SNX6: variants seen among roughly 807,000 people sequenced by gnomAD.
SNX6 encodes sorting nexin-6.
In SNX6, 34 loss-of-function variants were observed where a neutral mutation model predicts 63.0. That is an observed-to-expected ratio of 0.54 (90% CI 0.41 to 0.72). The LOEUF (loss-of-function observed/expected upper bound fraction) is 0.72. Ranked by LOEUF, SNX6 falls within the 30% of genes least tolerant of loss-of-function variation. The probability of loss-of-function intolerance (pLI) is 0.00; values close to 1 mark genes in which losing one functional copy is unlikely to be tolerated. For synonymous variants in SNX6, 170 were observed against 164.2 expected (o/e 1.04, Z -0.27); for missense variants, 398 against 471.4 (o/e 0.84, Z 1.44).
At chr14:34,581,410 C>T in intron 10 of SNX6, 151 bp downstream of exon 10, 1 of 446,960 alleles carries the variant, frequency 2.2e-6, no homozygotes, top group Non-Finnish European at 4.2e-6. Flanking sequence ...ACTTGGCCTC[C>T]CAAAGTGTTG....
chr14:34,629,819 TGGGGACCCATCCCCGTACCACACCC>T lies in SNX6; in HGVS notation c.54+63_54+87del, dbSNP rs1883971395. 11 of 1,530,122 alleles carry T rather than the reference TGGGGACCCATCCCCGTACCACACCC, an allele frequency of 7.2e-6. No individual in the cohort carries two copies. The Admixed American group carries it at 8.3e-5, about 12-fold the overall frequency. The allele number at this position is 1,530,122 out of a possible 1,614,324, so 94.8% of individuals were successfully genotyped here. On this transcript the variant is annotated intron_variant, in intron 2 of 13. Transcript: ENST00000362031. The stretch of plus-strand genomic sequence containing the variant: ...CTACGGGGAGGGAGTGCCGCGCGGC[TGGGGACCCATCCCCGTACCACACCC>T]GGGGACCCAGGATGGGGAAGGAGGG...
rs116151388 is a variant in SNX6, at chr14:34,618,098, A to G, written c.55-8356T>C. 4.4e-3 allele frequency among the ~76,000 whole-genome samples: 667 copies of G among 152,206 alleles called. 5 individuals are homozygous for G. The highest frequency in any genetic ancestry group is 0.016 in the African/African-American group (646 of 41,530). On this transcript the variant is annotated intron_variant, in intron 2 of 13. Coordinates refer to ENST00000362031, the MANE Select transcript of SNX6 (RefSeq NM_152233.4). Reference sequence around the variant, plus strand: ...GGGGCAAAGAGGAAGGAAGAAAGAAAATAACTTTGACTCTTACAATAGTCT... The same window carrying G: ...GGGGCAAAGAGGAAGGAAGAAAGAAGATAACTTTGACTCTTACAATAGTCT...
chr14:34,627,501 A>G (rs568215190), intron 2 of SNX6, among the ~76,000 whole-genome samples: 2 of 151,004 alleles, frequency 1.3e-5, no homozygotes, highest in African/African-American at 4.9e-5. Context: ...TTTGAGATGG[A>G]GTTTTGCTCT....
At chr14:34,579,094 C>T (rs1881836747) in intron 10 of SNX6, among the ~76,000 whole-genome samples, 1 of 151,828 alleles carries the variant, frequency 6.6e-6, no homozygotes, top group Non-Finnish European at 1.5e-5. Context: ...CAAATTGGTA[C>T]AATCATTATG....
intron 6 of SNX6, among the ~76,000 whole-genome samples, chr14:34,598,459 T>C (rs1213725565): frequency 2.0e-5 from 3 of 152,222 alleles, no homozygotes; most frequent in Non-Finnish European, 4.4e-5. Flanking sequence ...TGGCGTGATC[T>C]TGGCTCACTG....
Position 34,581,613 on chromosome 14 carries a change from A to G in SNX6, c.795-13T>C, listed in dbSNP as rs780958418. 3.4e-6 allele frequency: 5 copies of G among 1,457,030 alleles called. No individual in the cohort carries two copies. Among genetic ancestry groups the G allele is most frequent in the Non-Finnish European group, 2.9e-6 (3 of 1,045,396 alleles). 90.3% of individuals were successfully genotyped at this position (1,457,030 alleles called of 1,614,324 possible). On this transcript the variant is annotated splice_polypyrimidine_tract_variant and intron_variant, in intron 9 of 13. Coordinates refer to ENST00000362031, the MANE Select transcript of SNX6 (RefSeq NM_152233.4). Reference sequence around the variant, plus strand: ...TTTGAGAAAAAACCTGGAAAGGAAAATATTTTCATCATATTCTACATTCAA... The same window carrying G: ...TTTGAGAAAAAACCTGGAAAGGAAAGTATTTTCATCATATTCTACATTCAA...
At chr14:34,614,380 T>C (rs770530251) in intron 2 of SNX6, among the ~76,000 whole-genome samples, 1 of 151,208 alleles carries the variant, frequency 6.6e-6, no homozygotes, top group African/African-American at 2.4e-5. Context: ...GAGGCTGCAG[T>C]GAGCCAAGAA....
intron 2 of SNX6, among the ~76,000 whole-genome samples, chr14:34,622,357 G>C (rs543434472): frequency 5.3e-5 from 8 of 151,408 alleles, no homozygotes; most frequent in Non-Finnish European, 1.0e-4. Flanking sequence ...GAGGTGGGTG[G>C]ATCACGAGGT....
At chr14:34,581,972 G>A (rs1243583900) in intron 9 of SNX6, among the ~76,000 whole-genome samples, 1 of 152,024 alleles carries the variant, frequency 6.6e-6, no homozygotes, top group Non-Finnish European at 1.5e-5. Context: ...GGGACTACAG[G>A]CGCCCGCCAC....
intron 5 of SNX6, among the ~76,000 whole-genome samples, chr14:34,605,042 C>T (rs1882961025): frequency 1.3e-5 from 2 of 151,606 alleles, no homozygotes; most frequent in Admixed American, 1.3e-4. Flanking sequence ...CTATTAGTTT[C>T]ATATATACTA....
intron 10 of SNX6, among the ~76,000 whole-genome samples, chr14:34,577,409 T>C (rs1232484798): frequency 6.6e-6 from 1 of 152,144 alleles, no homozygotes; most frequent in East Asian, 1.9e-4. Context: ...TCAATTGTAA[T>C]TGATATGTAC....
At chr14:34,606,453 CTTTTTT>C (rs56390466) in intron 4 of SNX6, among the ~76,000 whole-genome samples, 1 of 141,618 alleles carries the variant, frequency 7.1e-6, no homozygotes, top group African/African-American at 2.6e-5. Flanking sequence ...TCCAACTCTT[CTTTTTT>C]TTTTTTTGGG....
At chr14:34,602,895 G>A (rs1176541333) in intron 6 of SNX6, among the ~76,000 whole-genome samples, 6 of 150,696 alleles carry the variant, frequency 4.0e-5, no homozygotes, top group Non-Finnish European at 8.8e-5. Context: ...AGAATGGCAT[G>A]AACCCGGGAG....
At chr14:34,569,841 G>A (rs1442191075) in intron 11 of SNX6, among the ~76,000 whole-genome samples, 1 of 152,108 alleles carries the variant, frequency 6.6e-6, no homozygotes, top group Non-Finnish European at 1.5e-5. Flanking sequence ...TAATAATGCT[G>A]CTGTGAACAT....
chr14:34,604,220 G>T, intron 5 of SNX6: 4 of 1,288,842 alleles, frequency 3.1e-6, no homozygotes, highest in Non-Finnish European at 4.0e-6. Context: ...AGGATGCAGA[G>T]GATGGAGGTA....
chr14:34,601,728 G>A (rs1241932062), intron 6 of SNX6, among the ~76,000 whole-genome samples: 1 of 151,636 alleles, frequency 6.6e-6, no homozygotes, highest in Non-Finnish European at 1.5e-5. Flanking sequence ...CCGAGTAGCT[G>A]GGATTACAGG....
chr14:34,594,055 T>C (rs17102618), intron 7 of SNX6, among the ~76,000 whole-genome samples: 13,829 of 152,144 alleles, frequency 0.091, 903 homozygotes, highest in African/African-American at 0.19. Flanking sequence ...ATGTTCTTAT[T>C]TGTGATCTGC....
rs536223220 is a variant in SNX6, at chr14:34,592,188, C to G, written c.718+857G>C. 3.9e-5 allele frequency among the ~76,000 whole-genome samples: 6 copies of G among 152,076 alleles called. No individual in the cohort carries two copies. In the South Asian group the frequency reaches 1.2e-3, roughly 32 times the overall value. ...GGATCATGAGGTCAGGAGTTCAAGACCATCCTGGCCAAGACTGTGAAACCC... is the reference window on the plus strand; with the variant it reads ...GGATCATGAGGTCAGGAGTTCAAGAGCATCCTGGCCAAGACTGTGAAACCC... On this transcript the variant is annotated intron_variant, in intron 8 of 13. Transcript: ENST00000362031.
intron 2 of SNX6, among the ~76,000 whole-genome samples, chr14:34,629,275 C>T (rs1031605554): frequency 1.3e-5 from 2 of 151,568 alleles, no homozygotes; most frequent in African/African-American, 4.9e-5. Flanking sequence ...TGTCAATATA[C>T]CTCAAAGAAG....
Sources: allele counts gnomAD v4.1 joint callset (sites outside exome capture counted in the v4.1 genomes callset), GRCh38; gene constraint gnomAD v4.1.1; transcripts MANE v1.5; gene names NCBI Gene and HGNC (gene_info 2026-07-23, HGNC 2026-07-21).